Variants in ZIM2 observed in about 807,000 individuals in gnomAD.
The protein encoded by ZIM2 is zinc finger protein 656.
In ZIM2, 14 loss-of-function variants were observed where a neutral mutation model predicts 38.6. The observed-to-expected ratio is 0.36, with a 90% confidence interval of 0.24 to 0.57. The LOEUF (loss-of-function observed/expected upper bound fraction) is 0.57, where lower values mean the gene tolerates loss of function less well. ZIM2 is among the 20% of genes least tolerant of loss of function. The pLI, the probability that ZIM2 is intolerant of heterozygous loss-of-function variation, is 0.81. For missense variants in ZIM2, 680 were observed against 695.1 expected (o/e 0.98, Z 0.24); for synonymous variants, 247 against 245.8 (o/e 1.00, Z -0.04).
intron 9 of ZIM2, chr19:56,798,783 T>C (rs2047354006): frequency 6.6e-6 from 1 of 152,016 alleles, no homozygotes; most frequent in Non-Finnish European, 1.5e-5. Context: ...AACAACGCCA[T>C]TAAAAAATGG....
chr19:56,782,971 T>C (rs1384747736), intron 10 of ZIM2, among the ~76,000 whole-genome samples: 1 of 149,232 alleles, frequency 6.7e-6, no homozygotes, highest in Non-Finnish European at 1.5e-5. Context: ...TTCTTTCTAC[T>C]TTTTTTTTGT....
intron 7 of ZIM2, among the ~76,000 whole-genome samples, chr19:56,821,248 C>T (rs1438020957): frequency 1.3e-5 from 2 of 152,248 alleles, no homozygotes; most frequent in Admixed American, 6.5e-5. Flanking sequence ...CAGAGCCAGG[C>T]TTTAAACCCA....
At chr19:56,786,059 C>A (rs1010744524) in intron 10 of ZIM2, among the ~76,000 whole-genome samples, 3 of 152,124 alleles carry the variant, frequency 2.0e-5, no homozygotes, top group Admixed American at 2.0e-4. Context: ...CACGCCCTAC[C>A]CCAAGCCCTA....
chr19:56,818,569 C>T, intron 8 of ZIM2, 31 bp downstream of exon 8: 2 of 1,612,014 alleles, frequency 1.2e-6, no homozygotes, highest in East Asian at 2.2e-5. Context: ...AATGACTGGA[C>T]TGGGAGTGAC....
chr19:56,779,582 G>A, intron 11 of ZIM2, 110 bp from the exon 12 acceptor site: 1 of 1,020,360 alleles, frequency 9.8e-7, no homozygotes, highest in Non-Finnish European at 1.5e-6. Context: ...GTAAAATGAA[G>A]CCTGTTTCCA....
At chr19:56,810,731 T>TA (rs2048083000) in intron 9 of ZIM2, 1 of 984,336 alleles carries the variant, frequency 1.0e-6, no homozygotes, top group Non-Finnish European at 1.2e-6. Context: ...CACACATATT[T>TA]AACACTGTTA....
At position 56,775,406 on chromosome 19, in the gene ZIM2, T is replaced by C; in HGVS notation, c.959A>G (p.Glu320Gly). 1.2e-6 allele frequency: 2 copies of C among 1,614,150 alleles called. No individual in the cohort carries two copies. The highest frequency in any genetic ancestry group is 1.7e-6 in the Non-Finnish European group (2 of 1,180,028). The change falls in exon 13 of 13, where the codon GAG becomes GGG. Residue 320 changes from glutamate to glycine, a missense_variant. Coordinates refer to ENST00000629319, the MANE Select transcript of ZIM2 (RefSeq NM_001387356.1). Reference protein sequence around the residue: ...PERSYGSDEFERSSNLSKQSK... With the variant: ...PERSYGSDEFGRSSNLSKQSK... ...TTGTTTACTAAGATTAGAGCTTCTCTCAAATTCATCACTGCCATAGCTTCT... is the reference window on the plus strand; with the variant it reads ...TTGTTTACTAAGATTAGAGCTTCTCCCAAATTCATCACTGCCATAGCTTCT...
intron 9 of ZIM2, chr19:56,816,949 C>G: frequency 1.2e-6 from 2 of 1,614,198 alleles, no homozygotes. Context: ...TCCAACCTGA[C>G]TTTTCTGAAC....
At chr19:56,810,312 G>C in intron 9 of ZIM2, 1 of 983,092 alleles carries the variant, frequency 1.0e-6, no homozygotes, top group Non-Finnish European at 1.2e-6. Flanking sequence ...ATGTAGTAAA[G>C]GTGGACTACC....
In ZIM2 at chr19:56,774,567, A is replaced by C; in HGVS notation, c.*121T>G. On this transcript the variant is annotated 3_prime_UTR_variant, in exon 13 of 13. Transcript: ENST00000629319. The stretch of plus-strand genomic sequence containing the variant: ...GCAACTTTTTTTTTTTTTTTACCAC[A>C]CTTTGATGAATGTTCAAGTTGTTAA... 1.4e-5 allele frequency: 20 copies of C among 1,388,386 alleles called. No individual in the cohort carries two copies. Among genetic ancestry groups the C allele is most frequent in the South Asian group, 5.4e-5 (3 of 56,028 alleles). The allele number at this position is 1,388,386 out of a possible 1,614,324, so 86.0% of individuals were successfully genotyped here.
intron 9 of ZIM2, among the ~76,000 whole-genome samples, chr19:56,800,958 CAG>C (rs2047494495): frequency 7.4e-6 from 1 of 134,328 alleles, no homozygotes; most frequent in African/African-American, 2.8e-5. Context: ...TTTTTTGAGA[CAG>C]AGTCTTGCTC....
chr19:56,776,016 G>A (rs940364254), intron 12 of ZIM2, among the ~76,000 whole-genome samples: 1 of 150,370 alleles, frequency 6.7e-6, no homozygotes, highest in African/African-American at 2.5e-5. Flanking sequence ...CAGGAGAATC[G>A]CTTGAACCCG....
At chr19:56,804,955 A>T (rs1173883355) in intron 9 of ZIM2, among the ~76,000 whole-genome samples, 3 of 152,188 alleles carry the variant, frequency 2.0e-5, no homozygotes, top group Non-Finnish European at 4.4e-5. Context: ...TAGACCCCAG[A>T]GTCTGGGCTT....
chr19:56,810,873 A>AT (rs2059491220), intron 9 of ZIM2: 1 of 966,598 alleles, frequency 1.0e-6, no homozygotes, highest in African/African-American at 1.8e-5. Context: ...CTGGGTATGT[A>AT]TTATGCACAC....
chr19:56,829,813 C>T (rs192140346), intron 2 of ZIM2, among the ~76,000 whole-genome samples: 111 of 152,354 alleles, frequency 7.3e-4, no homozygotes, highest in Admixed American at 3.5e-3. Context: ...CCAGATCCCA[C>T]GTGACCTTCT....
chr19:56,786,580 G>A (rs2046617342), intron 10 of ZIM2, among the ~76,000 whole-genome samples: 1 of 152,074 alleles, frequency 6.6e-6, no homozygotes, highest in African/African-American at 2.4e-5. Context: ...GACTATTCTA[G>A]CCTATCCATG....
At chr19:56,776,762 G>C (rs2046031217) in intron 12 of ZIM2, among the ~76,000 whole-genome samples, 1 of 152,178 alleles carries the variant, frequency 6.6e-6, no homozygotes, top group South Asian at 2.1e-4. Flanking sequence ...AGAGATGGGG[G>C]AACTGACTCC....
intron 1 of ZIM2, among the ~76,000 whole-genome samples, chr19:56,839,140 A>G (rs1331803365): frequency 6.6e-6 from 1 of 151,838 alleles, no homozygotes; most frequent in Non-Finnish European, 1.5e-5. Flanking sequence ...GATGGCGCCC[A>G]GGTGGGTGGG....
chr19:56,808,994 C>T (rs1440212633), intron 9 of ZIM2, among the ~76,000 whole-genome samples: 1 of 152,182 alleles, frequency 6.6e-6, no homozygotes, highest in Non-Finnish European at 1.5e-5. Context: ...TCAAGTCTAA[C>T]AGAATAAGCA....
Sources: allele counts gnomAD v4.1 joint callset (sites outside exome capture counted in the v4.1 genomes callset), GRCh38; gene constraint gnomAD v4.1.1; transcripts MANE v1.5; gene names NCBI Gene and HGNC (gene_info 2026-07-23, HGNC 2026-07-21).